The following PKP4 variants were observed in gnomAD, a reference collection of about 807,000 sequenced individuals.
The protein encoded by PKP4 is plakophilin 4.
Under a neutral mutation model 145.1 loss-of-function variants are expected in PKP4, and 90 were observed. That is an observed-to-expected ratio of 0.62 (90% CI 0.52 to 0.74). The LOEUF (loss-of-function observed/expected upper bound fraction) is 0.74, where lower values mean the gene tolerates loss of function less well. Among genes scored for constraint, PKP4 ranks in the 30% least tolerant of loss-of-function variants. The pLI, the probability that PKP4 is intolerant of heterozygous loss-of-function variation, is 0.00. For synonymous variants in PKP4, 563 were observed against 577.2 expected (o/e 0.98, Z 0.35); for missense variants, 1,340 against 1,482.7 (o/e 0.90, Z 1.58).
chr2:158,552,209 G>A (rs1356460873), intron 2 of PKP4, among the ~76,000 whole-genome samples: 4 of 152,248 alleles, frequency 2.6e-5, no homozygotes, highest in African/African-American at 9.6e-5. Flanking sequence ...CCCAGAGCCT[G>A]TAAGGGGCAA....
At chr2:158,484,649 C>T (rs1232186617) in intron 1 of PKP4, among the ~76,000 whole-genome samples, 1 of 152,184 alleles carries the variant, frequency 6.6e-6, no homozygotes, top group Admixed American at 6.5e-5. Context: ...GGCATATTTT[C>T]TGTGATAAAG....
intron 1 of PKP4, among the ~76,000 whole-genome samples, chr2:158,531,886 G>C (rs1355908422): frequency 1.3e-5 from 2 of 152,172 alleles, no homozygotes; most frequent in Non-Finnish European, 2.9e-5. Context: ...CTGGGGAAAT[G>C]CACAGATAAA....
chr2:158,530,061 A>G (rs949568106), intron 1 of PKP4, among the ~76,000 whole-genome samples: 6 of 152,148 alleles, frequency 3.9e-5, no homozygotes, highest in African/African-American at 1.4e-4. Flanking sequence ...TTCTATGTTA[A>G]TGACAATGTG....
At chr2:158,615,419 G>T (rs1417437224) in intron 4 of PKP4, among the ~76,000 whole-genome samples, 1 of 151,764 alleles carries the variant, frequency 6.6e-6, no homozygotes, top group East Asian at 1.9e-4. Flanking sequence ...ATTTCATTTT[G>T]TATTTATAAT....
At position 158,663,061 on chromosome 2, in the gene PKP4, G is replaced by GA; in HGVS notation, c.2381dup (p.Arg795GlufsTer25). ...GTTGCTGGGGGAAGAAGAAGAAAAA[G>GA]AAAAAGAGGACTCCGCAAGAAGATC... On this transcript the variant is annotated frameshift_variant, in exon 14 of 22. Coordinates refer to ENST00000389759, the MANE Select transcript of PKP4 (RefSeq NM_003628.6). LOFTEE classifies it high-confidence loss of function. The GA allele has an allele frequency of 6.2e-7, 1 of 1,609,078 alleles. No homozygotes were observed. Among genetic ancestry groups the GA allele is most frequent in the Non-Finnish European group, 8.5e-7 (1 of 1,178,666 alleles).
At chr2:158,465,673 T>C (rs1481837045) in intron 1 of PKP4, among the ~76,000 whole-genome samples, 1 of 152,206 alleles carries the variant, frequency 6.6e-6, no homozygotes, top group Non-Finnish European at 1.5e-5. Flanking sequence ...TTTCAAAATC[T>C]CTCGTGATGT....
intron 2 of PKP4, among the ~76,000 whole-genome samples, chr2:158,569,353 T>G (rs1364060744): frequency 6.6e-6 from 1 of 152,170 alleles, no homozygotes; most frequent in Admixed American, 6.5e-5. Context: ...ATTAGATGGG[T>G]AGCTGTATGT....
intron 4 of PKP4, among the ~76,000 whole-genome samples, chr2:158,609,409 T>C (rs750499780): frequency 3.3e-5 from 5 of 152,154 alleles, no homozygotes; most frequent in Non-Finnish European, 7.4e-5. Flanking sequence ...TCTTTATTCG[T>C]TTTTTGGTTT....
intron 1 of PKP4, among the ~76,000 whole-genome samples, chr2:158,490,516 T>A (rs1694790801): frequency 6.6e-6 from 1 of 152,232 alleles, no homozygotes; most frequent in African/African-American, 2.4e-5. Context: ...AGAATGCTGT[T>A]GAGTTGTAAA....
At chr2:158,626,188 G>A (rs933233533) in intron 7 of PKP4, among the ~76,000 whole-genome samples, 3 of 152,164 alleles carry the variant, frequency 2.0e-5, no homozygotes, top group African/African-American at 7.2e-5. Flanking sequence ...CCCTCACCCA[G>A]TCCCATCACA....
Position 158,458,402 on chromosome 2 carries a change from C to T in PKP4, c.-6+1184C>T, listed in dbSNP as rs1689214391. On this transcript the variant is annotated intron_variant, in intron 1 of 21. Transcript: ENST00000389759. ...TTTGGGGCTCCAGCTAGCCTTTCGT[C>T]TGGGTTTTTGCTGCATTGGTCTTCA... is the stretch of plus-strand genomic sequence containing the variant. 3.3e-5 allele frequency: 5 copies of T among 152,644 alleles called. 1 individual carries two copies. Among genetic ancestry groups the T allele is most frequent in the Admixed American group, 3.3e-4 (5 of 15,294 alleles). The allele number at this position is 152,644 out of a possible 1,614,324, so 9.5% of individuals were successfully genotyped here. A position where few individuals can be genotyped will look rare whatever the true frequency, so the allele number is the denominator to read the frequency against.
intron 2 of PKP4, 23 bp downstream of exon 2, chr2:158,533,339 G>A: frequency 6.2e-7 from 1 of 1,613,304 alleles, no homozygotes; most frequent in African/African-American, 1.3e-5. Flanking sequence ...ATTGAAAGTT[G>A]CAGTGAATTA....
intron 13 of PKP4, 58 bp from the exon 14 acceptor site, chr2:158,662,839 A>C: frequency 7.3e-7 from 1 of 1,367,794 alleles, no homozygotes; most frequent in Non-Finnish European, 1.0e-6. Context: ...TTCAGTACAG[A>C]AGTGTTTTGC....
intron 1 of PKP4, among the ~76,000 whole-genome samples, chr2:158,499,630 A>G (rs1036828628): frequency 2.0e-5 from 3 of 152,210 alleles, no homozygotes; most frequent in South Asian, 2.1e-4. Flanking sequence ...CAAGCAGAGC[A>G]CCACTGACCC....
chr2:158,489,208 C>T (rs1694594963), intron 1 of PKP4, among the ~76,000 whole-genome samples: 1 of 151,794 alleles, frequency 6.6e-6, no homozygotes, highest in African/African-American at 2.4e-5. Context: ...TATATAACAT[C>T]TAAAATCTTT....
At chr2:158,613,452 C>A (rs1010104927) in intron 4 of PKP4, among the ~76,000 whole-genome samples, 2 of 152,294 alleles carry the variant, frequency 1.3e-5, no homozygotes, top group Admixed American at 1.3e-4. Flanking sequence ...GATGCTAAAA[C>A]CTCTTAAGTT....
chr2:158,537,379 T>A (rs2044139773), intron 2 of PKP4, among the ~76,000 whole-genome samples: 1 of 152,214 alleles, frequency 6.6e-6, no homozygotes, highest in African/African-American at 2.4e-5. Context: ...AAGGATGTGG[T>A]TATCTTGGTG....
chr2:158,586,570 G>A lies in PKP4; in HGVS notation c.245+9187G>A, dbSNP rs181070096. 1.3e-3 allele frequency among the ~76,000 whole-genome samples: 200 copies of A among 152,234 alleles called. 1 individual carries two copies. Among genetic ancestry groups the A allele is most frequent in the African/African-American group, 4.6e-3 (191 of 41,536 alleles). On this transcript the variant is annotated intron_variant, in intron 3 of 21. Coordinates refer to ENST00000389759, the MANE Select transcript of PKP4 (RefSeq NM_003628.6). The stretch of plus-strand genomic sequence containing the variant: ...CTGAATATAATTACCGGAAACCCTC[G>A]GGATCTCTATGGTGAATATTTATTA...
chr2:158,664,503 C>T (rs1311029852), intron 15 of PKP4, among the ~76,000 whole-genome samples: 2 of 152,208 alleles, frequency 1.3e-5, no homozygotes, highest in African/African-American at 4.8e-5. Context: ...TACTACAATG[C>T]TTGCTGTGGG....
Sources: gnomAD v4.1 joint callset for allele counts (sites outside exome capture counted in the v4.1 genomes callset) on GRCh38, gnomAD v4.1.1 for gene constraint, MANE v1.5 for transcripts, NCBI Gene and HGNC (gene_info 2026-07-23, HGNC 2026-07-21) for gene names.